CLN3: variants seen among roughly 807,000 people sequenced by gnomAD.
CLN3 encodes CLN3 lysosomal/endosomal transmembrane protein, battenin.
A neutral mutation model predicts 60.7 loss-of-function variants in CLN3; 49 were observed. The observed-to-expected ratio is 0.81, with a 90% CI of 0.64 to 1.02. The LOEUF is 1.02. Among genes scored for constraint, CLN3 ranks in the 50% least tolerant of loss-of-function variants. The pLI, the probability that CLN3 is intolerant of heterozygous loss-of-function variation, is 0.00. For missense variants in CLN3, 516 were observed against 557.4 expected (o/e 0.93, Z 0.75); for synonymous variants, 256 against 245.8 (o/e 1.04, Z -0.39).
intron 3 of CLN3, 117 bp from the exon 4 acceptor site, chr16:28,489,503 A>C: frequency 4.0e-6 from 3 of 744,108 alleles, no homozygotes; most frequent in Non-Finnish European, 4.8e-6. Context: ...TTTTCCCTCT[A>C]TCACCAGATC....
intron 9 of CLN3, among the ~76,000 whole-genome samples, chr16:28,485,527 C>T (rs554734084): frequency 1.9e-4 from 25 of 130,792 alleles, no homozygotes; most frequent in African/African-American, 7.1e-4. Flanking sequence ...GAGATCACAC[C>T]AGTCACTGCA....
chr16:28,487,496 G>T lies in CLN3; in HGVS notation c.420C>A (p.Val140=). Residue 140 remains valine, a synonymous_variant, in exon 7 of 16, where the codon GTC becomes GTA. Transcript: ENST00000636147. ...CCACAGAATGAGAAAAGGCAACCAG[G>T]ACGAAGCTTCCAGCAGCACAAATCC... ...VSGICAAGSF[V]LVAFSHSVGT... is the part of the protein sequence containing the mutation. 2 of 1,614,022 alleles carry T rather than the reference G, an allele frequency of 1.2e-6. No homozygotes were observed. The highest frequency in any genetic ancestry group is 1.7e-6 in the Non-Finnish European group (2 of 1,180,024).
In CLN3 at chr16:28,482,548, G is replaced by C. The variant is rs1437110742; in HGVS notation, c.838-3C>G. On this transcript the variant is annotated splice_polypyrimidine_tract_variant and splice_region_variant and intron_variant, in intron 11 of 15. Transcript: ENST00000636147. ...GGAACAATGTACCACAGCAGACCCT[G>C]GAAAAGGCAGAAGATATAAGCGGGG... The C allele has an allele frequency of 6.2e-7, 1 of 1,614,152 alleles. No individual in the cohort carries two copies.
Position 28,492,034 on chromosome 16 carries a change from G to C in CLN3, c.-91C>G, listed in dbSNP as rs946396606. The C allele has an allele frequency of 3.4e-6, 2 of 580,944 alleles. No individual in the cohort carries two copies. The highest frequency in any genetic ancestry group is 6.0e-5 in the Admixed American group (2 of 33,436). 36.0% of individuals were successfully genotyped at this position (580,944 alleles called of 1,614,324 possible). On this transcript the variant is annotated 5_prime_UTR_variant, in exon 1 of 16. Coordinates refer to ENST00000636147, the MANE Select transcript of CLN3 (RefSeq NM_001042432.2). ...GAGGCCTGTACCTTTAAGAGCAGCA[G>C]AATGTTCTGCACTATGCAGAGGCCG...
In CLN3 at chr16:28,490,685, G is replaced by C. The variant is rs1003271444; in HGVS notation, c.125+797C>G. 2.0e-5 allele frequency among the ~76,000 whole-genome samples: 3 copies of C among 148,372 alleles called. No individual in the cohort carries two copies. In the East Asian group the frequency reaches 6.0e-4, roughly 30 times the overall value. On this transcript the variant is annotated intron_variant, in intron 3 of 15. Transcript: ENST00000636147. ...TGAGGCAAAAGAATGGTGTGAACCT[G>C]GGAGGCGGAGTTTGCAGTGAGCCGA... is the stretch of plus-strand genomic sequence containing the variant.
chr16:28,488,899 T>A (rs1225479172), intron 4 of CLN3, among the ~76,000 whole-genome samples: 1 of 152,144 alleles, frequency 6.6e-6, no homozygotes, highest in Admixed American at 6.6e-5. Flanking sequence ...AGATAACACA[T>A]TCAAGAGCTT....
At chr16:28,491,356 C>T in intron 3 of CLN3, 126 bp downstream of exon 3, 1 of 1,353,904 alleles carries the variant, frequency 7.4e-7, no homozygotes, top group Non-Finnish European at 1.0e-6. Context: ...TGGGGCAAAC[C>T]AGTGGATTCA....
At chr16:28,487,380 CT>C (rs1167925070) in intron 7 of CLN3, 75 bp downstream of exon 7, 1 of 1,186,324 alleles carries the variant, frequency 8.4e-7, no homozygotes, top group Non-Finnish European at 1.3e-6. Flanking sequence ...CTCTGGGAGG[CT>C]GGGGAGACTC....
intron 10 of CLN3, 45 bp downstream of exon 10, chr16:28,483,961 C>G (rs1420177990): frequency 5.6e-6 from 8 of 1,427,504 alleles, no homozygotes; most frequent in Non-Finnish European, 7.8e-6. Context: ...AAGGCCAAAC[C>G]CAGAGAGAAA....
intron 14 of CLN3, 81 bp downstream of exon 14, chr16:28,482,024 T>C: frequency 1.0e-6 from 1 of 972,042 alleles, no homozygotes; most frequent in Admixed American, 2.3e-5. Flanking sequence ...CCACTGATAG[T>C]GGGAAGCAGG....
At chr16:28,467,700 C>G in the CLN3 span, among the ~76,000 whole-genome samples, 1 of 147,234 alleles carries the variant, frequency 6.8e-6, no homozygotes, top group Non-Finnish European at 1.5e-5. Context: ...GCCTCAGCCT[C>G]CTGAGTAGCT....
In CLN3 at chr16:28,491,828, A is replaced by G. The variant is rs1217544463; in HGVS notation, c.-69T>C. On this transcript the variant is annotated 5_prime_UTR_variant, in exon 2 of 16. Transcript: ENST00000636147. ...TCCAAAGGGGGCTCCCACGGGAGGG[A>G]TGAGGGTCTGCGACAGGTGACAAGG... The G allele has an allele frequency of 6.3e-7, 1 of 1,583,264 alleles. No homozygotes were observed. Among genetic ancestry groups the G allele is most frequent in the Non-Finnish European group, 8.6e-7 (1 of 1,162,058 alleles).
At chr16:28,481,687 T>C (rs2141701692) in intron 14 of CLN3, among the ~76,000 whole-genome samples, 1 of 152,082 alleles carries the variant, frequency 6.6e-6, no homozygotes, top group East Asian at 1.9e-4. Context: ...CTGCTGGACT[T>C]TGGTTCCCTG....
chr16:28,468,778 G>T, the CLN3 span, among the ~76,000 whole-genome samples: 4 of 108,652 alleles, frequency 3.7e-5, no homozygotes, highest in Non-Finnish European at 8.2e-5. Context: ...CTGCACTTCA[G>T]CCTGGGTGAC....
intron 3 of CLN3, chr16:28,490,940 G>C (rs2046304414): frequency 6.5e-6 from 1 of 153,112 alleles, no homozygotes; most frequent in Non-Finnish European, 1.4e-5. Context: ...ATGCGGTGGT[G>C]CACACCTGTA....
At position 28,477,406 on chromosome 16, in the gene CLN3, C is replaced by CG. The variant is rs1217282450; in HGVS notation, c.*109dup. 4.7e-5 allele frequency: 70 copies of CG among 1,479,568 alleles called. No homozygotes were observed. In the Middle Eastern group the frequency reaches 7.1e-4, roughly 15 times the overall value. 91.7% of individuals were successfully genotyped at this position (1,479,568 alleles called of 1,614,324 possible). A position where few individuals can be genotyped will look rare whatever the true frequency, so the allele number is the denominator to read the frequency against. ...AGCCCTTCCCTACTCCCAGACCTGCCGGGAAGGCTGGGAGCACAGTTCATG... is the reference window on the plus strand; with the variant it reads ...AGCCCTTCCCTACTCCCAGACCTGCCGGGGAAGGCTGGGAGCACAGTTCATG... On this transcript the variant is annotated 3_prime_UTR_variant, in exon 16 of 16. Transcript: ENST00000636147.
At chr16:28,477,661 G>C (rs569047552) in intron 15 of CLN3, 26 bp from the exon 16 acceptor site, 1 of 1,613,900 alleles carries the variant, frequency 6.2e-7, no homozygotes, top group Non-Finnish European at 8.5e-7. Flanking sequence ...GCAGGGGTGA[G>C]GCTTCAGTCC....
chr16:28,472,476 C>T (rs765398548), downstream of CLN3, among the ~76,000 whole-genome samples: 1 of 152,040 alleles, frequency 6.6e-6, no homozygotes, highest in Non-Finnish European at 1.5e-5. Context: ...TATCACACCA[C>T]CTGCAAAAAA....
intron 3 of CLN3, among the ~76,000 whole-genome samples, chr16:28,489,888 C>G (rs2046284140): frequency 6.6e-6 from 1 of 151,978 alleles, no homozygotes. Context: ...GAAACCCCGT[C>G]TCTACTAAAA....
Sources: gnomAD v4.1 joint callset for allele counts (sites outside exome capture counted in the v4.1 genomes callset) on GRCh38, gnomAD v4.1.1 for gene constraint, MANE v1.5 for transcripts, NCBI Gene and HGNC (gene_info 2026-07-23, HGNC 2026-07-21) for gene names.